The following MOB3A variants were observed in gnomAD, a reference collection of about 807,000 sequenced individuals.
MOB3A encodes MOB kinase activator 3A.
MOB3A carries 17 observed loss-of-function variants against 17.8 expected under a neutral mutation model. That is an observed-to-expected ratio of 0.95 (90% CI 0.65 to 1.43). The LOEUF (loss-of-function observed/expected upper bound fraction) is 1.43, where lower values mean the gene tolerates loss of function less well. Ranked by LOEUF, MOB3A falls within the 40% of genes most tolerant of loss-of-function variation. The pLI is 0.00. For synonymous variants in MOB3A, 124 were observed against 133.2 expected (o/e 0.93, Z 0.48); for missense variants, 333 against 310.8 (o/e 1.07, Z -0.54).
At chr19:2,079,783 G>C (rs192099926) in intron 2 of MOB3A, among the ~76,000 whole-genome samples, 1 of 152,194 alleles carries the variant, frequency 6.6e-6, no homozygotes, top group South Asian at 2.1e-4. Context: ...CTTCCAGGTC[G>C]GGTCACATGG....
At chr19:2,079,866 C>A (rs1408185711) in intron 2 of MOB3A, among the ~76,000 whole-genome samples, 2 of 152,220 alleles carry the variant, frequency 1.3e-5, no homozygotes, top group Non-Finnish European at 2.9e-5. Flanking sequence ...CTCCAGGAGC[C>A]GGCCCAAGTC....
intron 1 of MOB3A, among the ~76,000 whole-genome samples, chr19:2,087,705 G>A (rs775046071): frequency 2.0e-5 from 3 of 152,198 alleles, no homozygotes; most frequent in African/African-American, 4.8e-5. Context: ...GTGATGAGAC[G>A]TCACGGACAC....
chr19:2,086,199 C>A (rs1018192665), intron 1 of MOB3A, among the ~76,000 whole-genome samples: 22 of 151,506 alleles, frequency 1.5e-4, no homozygotes, highest in African/African-American at 5.3e-4. Context: ...CGCTACAACG[C>A]CCGACTAATT....
intron 2 of MOB3A, among the ~76,000 whole-genome samples, chr19:2,081,988 T>C (rs1428996203): frequency 6.6e-6 from 1 of 152,160 alleles, no homozygotes; most frequent in Non-Finnish European, 1.5e-5. Flanking sequence ...AGGGAGCCCC[T>C]GGTGAGGACC....
Position 2,093,531 on chromosome 19 carries a change from G to C in MOB3A, c.-274+2695C>G, listed in dbSNP as rs2017636253. Among the ~76,000 whole-genome samples the C allele has an allele frequency of 6.6e-6, 1 of 152,172 alleles. No homozygotes were observed. Among genetic ancestry groups the C allele is most frequent in the Non-Finnish European group, 1.5e-5 (1 of 68,038 alleles). On this transcript the variant is annotated intron_variant, in intron 1 of 4. Coordinates refer to ENST00000357066, the MANE Select transcript of MOB3A (RefSeq NM_130807.3). The surrounding 1 kb of genome is among the most constrained non-coding windows in gnomAD (Gnocchi z 4.6). ...CGTGTGCCTGGCTGTGTATTTAGTA[G>C]AGATGGGGTTTTGCCATGTTGGCCA...
chr19:2,089,179 C>T (rs1024617573), intron 1 of MOB3A, among the ~76,000 whole-genome samples: 2 of 152,200 alleles, frequency 1.3e-5, no homozygotes, highest in Non-Finnish European at 2.9e-5. Flanking sequence ...CTGGCATTTG[C>T]TGGGGCCCTG....
In MOB3A at chr19:2,082,337, C is replaced by T. The variant is rs947140595; in HGVS notation, c.-120+2838G>A. ...GGTGCTGAGCGGCATCCCTGGCCGC[C>T]GCCCCTCCCTGCCAGGAGCTCCCCC... On this transcript the variant is annotated intron_variant, in intron 2 of 4. Transcript: ENST00000357066. This position sits in a 1 kb window ranked among gnomAD's most constrained non-coding sequence, Gnocchi z 4.1. Among the ~76,000 whole-genome samples, 4 of 152,252 alleles carry T rather than the reference C, an allele frequency of 2.6e-5. No homozygotes were observed. Among genetic ancestry groups the T allele is most frequent in the Non-Finnish European group, 4.4e-5 (3 of 68,052 alleles).
rs781102328 is a variant in MOB3A, at chr19:2,093,818, AG to A, written c.-274+2407del. Among the ~76,000 whole-genome samples, 20 of 152,278 alleles carry A rather than the reference AG, an allele frequency of 1.3e-4. No homozygotes were observed. Among genetic ancestry groups the A allele is most frequent in the Non-Finnish European group, 2.6e-4 (18 of 68,012 alleles). On this transcript the variant is annotated intron_variant, in intron 1 of 4. Coordinates refer to ENST00000357066, the MANE Select transcript of MOB3A (RefSeq NM_130807.3). This position sits in a 1 kb window ranked among gnomAD's most constrained non-coding sequence, Gnocchi z 4.6. ...GGGTGCCTGTGTCGTCCCTGGGGAAAGGGAAACACATCCAGGGGGTCCGGAG... is the reference window on the plus strand; with the variant it reads ...GGGTGCCTGTGTCGTCCCTGGGGAAAGGAAACACATCCAGGGGGTCCGGAG...
chr19:2,075,979 G>A (rs371746099), intron 4 of MOB3A, among the ~76,000 whole-genome samples: 2 of 151,896 alleles, frequency 1.3e-5, no homozygotes, highest in South Asian at 2.1e-4. Flanking sequence ...AAAAATTAGC[G>A]GGGTGTGGTG....
At chr19:2,094,564 C>T (rs567323158) in intron 1 of MOB3A, among the ~76,000 whole-genome samples, 3 of 152,222 alleles carry the variant, frequency 2.0e-5, no homozygotes, top group South Asian at 2.1e-4. Context: ...TGGGCTCTGA[C>T]GGCTCCAGCC....
chr19:2,092,182 C>T (rs1177017324), intron 1 of MOB3A, among the ~76,000 whole-genome samples: 1 of 149,848 alleles, frequency 6.7e-6, no homozygotes, highest in Admixed American at 6.7e-5. Context: ...CTCACTGCAG[C>T]CTCAACCTCC....
At chr19:2,077,414 AAAAAG>A (rs930763316) in intron 3 of MOB3A, among the ~76,000 whole-genome samples, 26 of 151,724 alleles carry the variant, frequency 1.7e-4, no homozygotes, top group African/African-American at 5.1e-4. Flanking sequence ...AAAAAAAAAG[AAAAAG>A]AAAAGAAAAG....
chr19:2,078,023 G>T, intron 3 of MOB3A, 117 bp downstream of exon 3: 1 of 1,081,718 alleles, frequency 9.2e-7, no homozygotes, highest in Non-Finnish European at 1.3e-6. Flanking sequence ...GGGCTCAAGC[G>T]ATCCCTGGGC....
intron 2 of MOB3A, among the ~76,000 whole-genome samples, chr19:2,081,496 G>T (rs1414445625): frequency 6.6e-6 from 1 of 152,134 alleles, no homozygotes; most frequent in Non-Finnish European, 1.5e-5. Context: ...GCTGAGGCAG[G>T]AGAATCGCTT....
chr19:2,095,902 G>A (rs1397003463), intron 1 of MOB3A, among the ~76,000 whole-genome samples: 1 of 151,950 alleles, frequency 6.6e-6, no homozygotes, highest in Non-Finnish European at 1.5e-5. Context: ...GCGCCACCTC[G>A]TCCGGCTAAT....
rs2017436767 is a variant in MOB3A, at chr19:2,078,173, T to C, written c.388A>G (p.Ile130Val). 5 of 1,592,832 alleles carry C rather than the reference T, an allele frequency of 3.1e-6. No homozygotes were observed. Among genetic ancestry groups the C allele is most frequent in the Non-Finnish European group, 4.3e-6 (5 of 1,164,358 alleles). Residue 130 changes from isoleucine (I) to valine (V), a missense_variant, in exon 3 of 5, where the codon ATC (isoleucine) becomes GTC (valine). Transcript: ENST00000357066. ...GTGGGGAAGAGGTCCTCGTTGTTGATCTGCGCCTCGATCCAGTCCATCAGC... is the reference window on the plus strand; with the variant it reads ...GTGGGGAAGAGGTCCTCGTTGTTGACCTGCGCCTCGATCCAGTCCATCAGC... ...DLLMDWIEAQ[I>V]NNEDLFPTNV...
intron 1 of MOB3A, among the ~76,000 whole-genome samples, chr19:2,092,545 G>T (rs1599413570): frequency 6.6e-6 from 1 of 152,102 alleles, no homozygotes; most frequent in African/African-American, 2.4e-5. Flanking sequence ...GGGAGGCTGA[G>T]GCAGGCAGAC....
rs958105376 is a variant in MOB3A at position 2,093,174 on chromosome 19, T to C, written c.-274+3052A>G. Among the ~76,000 whole-genome samples, 6 of 151,966 alleles carry C rather than the reference T, an allele frequency of 3.9e-5. No individual in the cohort carries two copies. The highest frequency in any genetic ancestry group is 1.2e-4 in the African/African-American group (5 of 41,362). On this transcript the variant is annotated intron_variant, in intron 1 of 4. Coordinates refer to ENST00000357066, the MANE Select transcript of MOB3A (RefSeq NM_130807.3). This position sits in a 1 kb window ranked among gnomAD's most constrained non-coding sequence, Gnocchi z 4.6. ...CCTTGGAAGGGAATTTTTTTTTTTT[T>C]CGAGACGTTGTCTTACTCTGTTGCC...
chr19:2,087,371 G>A (rs951682115), intron 1 of MOB3A, among the ~76,000 whole-genome samples: 1 of 152,200 alleles, frequency 6.6e-6, no homozygotes, highest in Non-Finnish European at 1.5e-5. Flanking sequence ...AAGAAGCCCT[G>A]GCCAGCTGCA....
Sources: allele counts gnomAD v4.1 joint callset (sites outside exome capture counted in the v4.1 genomes callset), GRCh38; gene constraint gnomAD v4.1.1; non-coding constraint Gnocchi (gnomAD v3.1); transcripts MANE v1.5; gene names NCBI Gene and HGNC (gene_info 2026-07-23, HGNC 2026-07-21).